ATL2: variants seen among roughly 807,000 people sequenced by gnomAD.
ATL2 encodes the protein atlastin GTPase 2, also known as atlastin-2.
ATL2 carries 31 observed loss-of-function variants against 73.9 expected under a neutral mutation model. That is an observed-to-expected ratio of 0.42 (90% confidence interval 0.32 to 0.57). The LOEUF (loss-of-function observed/expected upper bound fraction) is 0.57, where lower values mean the gene tolerates loss of function less well. Among genes scored for constraint, ATL2 ranks in the 20% least tolerant of loss-of-function variants. The pLI, the probability that ATL2 is intolerant of heterozygous loss-of-function variation, is 0.14. For synonymous variants in ATL2, 291 were observed against 237.5 expected, an observed-to-expected ratio of 1.23 and a Z score of -2.07; for missense variants, 738 against 702.6, an observed-to-expected ratio of 1.05 and a Z score of -0.57.
At chr2:38,350,107 A>T (rs192568771) in intron 1 of ATL2, among the ~76,000 whole-genome samples, 1 of 152,300 alleles carries the variant, frequency 6.6e-6, no homozygotes, top group Admixed American at 6.5e-5. Flanking sequence ...AAAGTCTCTA[A>T]ATTCCACACC....
intron 2 of ATL2, among the ~76,000 whole-genome samples, chr2:38,329,326 A>AT (rs1668845910): frequency 7.1e-6 from 1 of 141,128 alleles, no homozygotes; most frequent in South Asian, 2.5e-4. Flanking sequence ...TACCCAGGAG[A>AT]TTGAGGCAGG....
chr2:38,300,205 G>A, intron 10 of ATL2, 67 bp downstream of exon 10: 5 of 1,369,118 alleles, frequency 3.7e-6, no homozygotes, highest in Non-Finnish European at 5.1e-6. Context: ...TCTCTCTAAA[G>A]CAAAGATTTT....
intron 2 of ATL2, among the ~76,000 whole-genome samples, chr2:38,321,805 C>A (rs1269750036): frequency 6.6e-6 from 1 of 152,124 alleles, no homozygotes; most frequent in Admixed American, 6.6e-5. Context: ...CTCATCCTCC[C>A]GGACTCAAAG....
intron 7 of ATL2, among the ~76,000 whole-genome samples, chr2:38,311,696 T>G (rs1409552795): frequency 6.6e-6 from 1 of 152,210 alleles, no homozygotes; most frequent in African/African-American, 2.4e-5. Context: ...GGAAGGTTGC[T>G]GTATGGAGGT....
chr2:38,339,783 C>G (rs1669598119), intron 2 of ATL2, among the ~76,000 whole-genome samples: 1 of 152,128 alleles, frequency 6.6e-6, no homozygotes, highest in Admixed American at 6.6e-5. Flanking sequence ...CTCCACCTCC[C>G]AGGTTCAAGT....
chr2:38,307,531 C>G (rs1573442021), intron 9 of ATL2, among the ~76,000 whole-genome samples: 1 of 151,898 alleles, frequency 6.6e-6, no homozygotes, highest in Admixed American at 6.6e-5. Context: ...ATTGGGGAAA[C>G]CTTCCAGGAA....
intron 1 of ATL2, among the ~76,000 whole-genome samples, chr2:38,349,290 T>C (rs1407845566): frequency 2.0e-5 from 3 of 151,844 alleles, no homozygotes; most frequent in Admixed American, 1.3e-4. Context: ...CCATCAATGA[T>C]AGACTGGATT....
Position 38,327,555 on chromosome 2 carries a change from AAC to A in ATL2, c.364-8538_364-8537del, listed in dbSNP as rs1400201931. On this transcript the variant is annotated intron_variant, in intron 2 of 12. Coordinates refer to ENST00000378954, the MANE Select transcript of ATL2 (RefSeq NM_001135673.4). The stretch of plus-strand genomic sequence containing the variant: ...AAAAAAAGTACAAAAAAAAAAAAAA[AAC>A]ACCAGAAAACAATTATAAGCATGGC... Among the ~76,000 whole-genome samples the A allele has an allele frequency of 6.5e-4, 98 of 151,390 alleles. 1 individual carries two copies. The highest frequency in any genetic ancestry group is 2.2e-3 in the African/African-American group (89 of 41,156).
intron 1 of ATL2, among the ~76,000 whole-genome samples, chr2:38,352,994 T>C (rs373715700): frequency 2.2e-4 from 33 of 152,272 alleles, no homozygotes; most frequent in African/African-American, 7.7e-4. Flanking sequence ...AAAAACAAGC[T>C]AAGAGAATCC....
chr2:38,327,807 G>A (rs1393579591), intron 2 of ATL2, among the ~76,000 whole-genome samples: 4 of 152,214 alleles, frequency 2.6e-5, no homozygotes, highest in South Asian at 4.2e-4. Context: ...GTGGTGGCGG[G>A]TGCCTGTAAT....
chr2:38,299,299 G>A lies in ATL2; in HGVS notation c.1157C>T (p.Ala386Val), dbSNP rs757498314. ...QATAEANNLA[A>V]VAGARDTYCK... is the part of the protein sequence containing the mutation. ...ATAGGTATCTCTTGCTCCTGCTACTGCAGCAAGATTATTAGCTTCAGCTGT... is the reference window on the plus strand; with the variant it reads ...ATAGGTATCTCTTGCTCCTGCTACTACAGCAAGATTATTAGCTTCAGCTGT... The change falls in exon 11 of 13, where the codon GCA becomes GTA. Residue 386 changes from alanine to valine, a missense_variant. Ala to Val is a moderately conservative substitution (Grantham distance 64, BLOSUM62 0). Coordinates refer to ENST00000378954, the MANE Select transcript of ATL2 (RefSeq NM_001135673.4). 8 of 1,508,812 alleles carry A rather than the reference G, an allele frequency of 5.3e-6. No individual in the cohort carries two copies. In the African/African-American group the frequency reaches 1.0e-4, roughly 20 times the overall value. 93.5% of individuals were successfully genotyped at this position (1,508,812 alleles called of 1,614,324 possible). A position where few individuals can be genotyped will look rare whatever the true frequency, so the allele number is the denominator to read the frequency against.
At chr2:38,373,001 G>A (rs1211888717) in intron 1 of ATL2, among the ~76,000 whole-genome samples, 1 of 151,232 alleles carries the variant, frequency 6.6e-6, no homozygotes, top group East Asian at 1.9e-4. Context: ...AGTCACACTG[G>A]TACATTCTTA....
chr2:38,296,511 G>A, intron 12 of ATL2: 3 of 1,613,808 alleles, frequency 1.9e-6, no homozygotes, highest in Non-Finnish European at 2.5e-6. Flanking sequence ...ATTGTTGGAT[G>A]ACAGTCTCTG....
intron 1 of ATL2, among the ~76,000 whole-genome samples, chr2:38,374,772 T>C (rs1159165936): frequency 1.3e-5 from 2 of 152,210 alleles, no homozygotes; most frequent in Admixed American, 1.3e-4. Context: ...ATACCAACTG[T>C]GGAAAAAGCC....
chr2:38,296,229 G>T, intron 12 of ATL2, 116 bp from the exon 13 acceptor site: 2 of 1,417,180 alleles, frequency 1.4e-6, no homozygotes, highest in South Asian at 1.6e-5. Context: ...CAGGAATATG[G>T]GAAATAAAAA....
intron 2 of ATL2, among the ~76,000 whole-genome samples, chr2:38,322,190 C>CAAA (rs11405964): frequency 2.9e-5 from 4 of 138,978 alleles, no homozygotes; most frequent in African/African-American, 1.0e-4. Context: ...CCCACAATGT[C>CAAA]AAAAAAAAAA....
intron 1 of ATL2, among the ~76,000 whole-genome samples, chr2:38,355,825 G>A (rs1029828567): frequency 1.3e-5 from 2 of 150,924 alleles, no homozygotes; most frequent in African/African-American, 4.9e-5. Flanking sequence ...TCAGCCTCCT[G>A]AGTAGTTGGG....
At chr2:38,341,075 A>T (rs2148480806) in intron 2 of ATL2, among the ~76,000 whole-genome samples, 1 of 152,336 alleles carries the variant, frequency 6.6e-6, no homozygotes, top group Non-Finnish European at 1.5e-5. Context: ...ACCTGAGGTG[A>T]AACTTATCTG....
At chr2:38,350,708 G>A (rs1042796871) in intron 1 of ATL2, among the ~76,000 whole-genome samples, 5 of 152,084 alleles carry the variant, frequency 3.3e-5, no homozygotes, top group African/African-American at 4.8e-5. Context: ...TGGAGTGGCA[G>A]GGAGTACGTG....
Sources: allele counts gnomAD v4.1 joint callset (sites outside exome capture counted in the v4.1 genomes callset), GRCh38; gene constraint gnomAD v4.1.1; transcripts MANE v1.5; gene names NCBI Gene and HGNC (gene_info 2026-07-23, HGNC 2026-07-21).